The following UNKL variants were observed in gnomAD, a reference collection of about 807,000 sequenced individuals.
The protein encoded by UNKL is putative E3 ubiquitin-protein ligase UNKL.
UNKL carries 60 observed loss-of-function variants against 78.0 expected under a neutral mutation model. The ratio of observed to expected loss-of-function variants is 0.77; its 90% CI spans 0.63 to 0.95. The LOEUF is 0.95. Ranked by LOEUF, UNKL falls within the 40% of genes least tolerant of loss-of-function variation. The pLI is 0.00. For synonymous variants in UNKL, 608 were observed against 474.8 expected, an observed-to-expected ratio of 1.28 and a Z score of -3.65; for missense variants, 1,159 against 1,045.7, an observed-to-expected ratio of 1.11 and a Z score of -1.49.
At position 1,363,478 on chromosome 16, in the gene UNKL, T is replaced by G; in HGVS notation, c.*2762A>C. The G allele has an allele frequency of 3.1e-6, 1 of 326,236 alleles. No homozygotes were observed. Among genetic ancestry groups the G allele is most frequent in the Non-Finnish European group, 6.0e-6 (1 of 167,460 alleles). 20.2% of individuals were successfully genotyped at this position (326,236 alleles called of 1,614,324 possible). On this transcript the variant is annotated 3_prime_UTR_variant, in exon 15 of 15. Transcript: ENST00000389221. ...CGGAACAAGGTCTGCTGACCACAGT[T>G]ACACACGTCGTGACACCACTGTATC...
At position 1,364,087 on chromosome 16, in the gene UNKL, C is replaced by A. The variant is rs1450035437; in HGVS notation, c.*2153G>T. The stretch of plus-strand genomic sequence containing the variant: ...CAAATGGGAACCAAGTGCATAAATA[C>A]AAATAAAAACAGAGTTTACACATCG... On this transcript the variant is annotated 3_prime_UTR_variant, in exon 15 of 15. Coordinates refer to ENST00000389221, the MANE Select transcript of UNKL (RefSeq NM_001372107.1). The A allele has an allele frequency of 6.6e-6, 1 of 152,184 alleles. No individual in the cohort carries two copies. The highest frequency in any genetic ancestry group is 2.4e-5 in the African/African-American group (1 of 41,444). The allele number at this position is 152,184 out of a possible 1,614,324, so 9.4% of individuals were successfully genotyped here.
intron 10 of UNKL, 85 bp from the exon 11 acceptor site, chr16:1,371,696 C>T: frequency 7.1e-7 from 1 of 1,412,016 alleles, no homozygotes; most frequent in Non-Finnish European, 9.6e-7. Context: ...ACCGTCCCAC[C>T]TGGGCTTAGA....
rs1349816851 is a variant in UNKL at position 1,367,399 on chromosome 16, G to A, written c.1789-50C>T. 2.7e-6 allele frequency: 4 copies of A among 1,494,348 alleles called. No individual in the cohort carries two copies. In the Admixed American group the frequency reaches 6.2e-5, roughly 23 times the overall value. The allele number at this position is 1,494,348 out of a possible 1,614,324, so 92.6% of individuals were successfully genotyped here. The stretch of plus-strand genomic sequence containing the variant: ...ACCCCCCACCTCACCTGTGCCACCT[G>A]CAGACCCTCTTGCCTGTGTCACCAG... On this transcript the variant is annotated intron_variant, in intron 13 of 14. Coordinates refer to ENST00000389221, the MANE Select transcript of UNKL (RefSeq NM_001372107.1).
intron 10 of UNKL, among the ~76,000 whole-genome samples, chr16:1,384,329 G>C (rs1273834136): frequency 6.6e-6 from 1 of 151,880 alleles, no homozygotes; most frequent in African/African-American, 2.4e-5. Flanking sequence ...CCAGCTCCTG[G>C]CACTGTCTTG....
At chr16:1,388,300 C>T (rs970692603) in intron 9 of UNKL, among the ~76,000 whole-genome samples, 4 of 152,164 alleles carry the variant, frequency 2.6e-5, no homozygotes, top group African/African-American at 4.8e-5. Context: ...GGGCTGGGCA[C>T]GGGCTGACCC....
In UNKL at chr16:1,387,920, C is replaced by T. The variant is rs2036883871; in HGVS notation, c.1087-2535G>A. Among the ~76,000 whole-genome samples, 1 of 152,084 alleles carries T rather than the reference C, an allele frequency of 6.6e-6. No homozygotes were observed. The highest frequency in any genetic ancestry group is 1.5e-5 in the Non-Finnish European group (1 of 67,986). ...CCCCTGCTCAGTCAGGCTGAGGTTC[C>T]CCATGTCCTGACCCACCAGTAGCCT... On this transcript the variant is annotated intron_variant, in intron 9 of 14. Transcript: ENST00000389221. This position sits in a 1 kb window ranked among gnomAD's most constrained non-coding sequence, Gnocchi z 4.1.
chr16:1,407,093 G>A (rs960725837), intron 2 of UNKL, among the ~76,000 whole-genome samples: 1 of 151,400 alleles, frequency 6.6e-6, no homozygotes, highest in Non-Finnish European at 1.5e-5. Flanking sequence ...ATGCTGCAGT[G>A]AGCCGAGATC....
chr16:1,378,563 T>C (rs968918342), intron 10 of UNKL, among the ~76,000 whole-genome samples: 3 of 151,958 alleles, frequency 2.0e-5, no homozygotes, highest in South Asian at 2.1e-4. Context: ...AGCTGCAGAG[T>C]GCGCAGCATG....
chr16:1,367,174 C>G lies in UNKL; in HGVS notation c.1964G>C (p.Cys655Ser), dbSNP rs372155593. 1.1e-5 allele frequency: 18 copies of G among 1,605,504 alleles called. No individual in the cohort carries two copies. Among genetic ancestry groups the G allele is most frequent in the African/African-American group, 4.0e-5 (3 of 74,774 alleles). ...CAGGGGAATGGTGCCGATGTCCCCA[C>G]AGCCCCGCAGCCCCGGCAGTGTGGA... is the stretch of plus-strand genomic sequence containing the variant. The part of the protein sequence containing the change: ...VASTLPGLRG[C>S]GDIGTIPLPK... Residue 655 changes from cysteine (C) to serine (S), a missense_variant, in exon 14 of 15, where the codon TGT (cysteine) becomes TCT (serine). Physicochemically the swap from Cys to Ser is moderately radical, Grantham distance 112. Transcript: ENST00000389221.
intron 10 of UNKL, among the ~76,000 whole-genome samples, chr16:1,380,673 A>ATTTTTTTTTT (rs57595079): frequency 1.9e-4 from 19 of 99,392 alleles, no homozygotes; most frequent in African/African-American, 6.5e-4. Context: ...CTGGTTCAGG[A>ATTTTTTTTTT]TTTTTTTTTT....
chr16:1,405,647 G>A (rs1187003091), intron 2 of UNKL, among the ~76,000 whole-genome samples: 1 of 151,984 alleles, frequency 6.6e-6, no homozygotes, highest in African/African-American at 2.4e-5. Context: ...GGAGGTGAGA[G>A]GGAATACCTA....
intron 2 of UNKL, chr16:1,405,801 C>T (rs1383188655): frequency 4.6e-5 from 17 of 367,228 alleles, no homozygotes; most frequent in African/African-American, 2.1e-4. Context: ...ACATGGGCAC[C>T]GCTCTGCCTC....
In UNKL at chr16:1,385,169, A is replaced by G. The variant is rs560658278; in HGVS notation, c.1264+39T>C. 91 of 1,236,440 alleles carry G rather than the reference A, an allele frequency of 7.4e-5. No homozygotes were observed. The South Asian group carries it at 1.9e-3, about 26-fold the overall frequency. 76.6% of individuals were successfully genotyped at this position (1,236,440 alleles called of 1,614,324 possible). A position where few individuals can be genotyped will look rare whatever the true frequency, so the allele number is the denominator to read the frequency against. ...CTGAAAAGCTACAGCATGAACACAG[A>G]AGGAGGTCAGGGAGAAAGGAGGACG... On this transcript the variant is annotated intron_variant, in intron 10 of 14. Coordinates refer to ENST00000389221, the MANE Select transcript of UNKL (RefSeq NM_001372107.1).
intron 2 of UNKL, chr16:1,405,848 T>C (rs1006281798): frequency 4.7e-6 from 2 of 427,786 alleles, no homozygotes; most frequent in Admixed American, 2.4e-5. Context: ...GACCAGAGGA[T>C]AGGAGGCAGC....
At chr16:1,366,520 G>GGGTCAGGGAGACGCCCC in intron 14 of UNKL, 125 bp from the exon 15 acceptor site, 1 of 1,271,952 alleles carries the variant, frequency 7.9e-7, no homozygotes, top group Non-Finnish European at 1.0e-6. Flanking sequence ...TACAGAGACA[G>GGGTCAGGGAGACGCCCC]GGTCAGGGAG....
chr16:1,380,672 G>GTTTTTTTTTTTTTTTTTT (rs1567215031), intron 10 of UNKL, among the ~76,000 whole-genome samples: 2 of 32,944 alleles, frequency 6.1e-5, no homozygotes, highest in African/African-American at 2.3e-4. Flanking sequence ...GCTGGTTCAG[G>GTTTTTTTTTTTTTTTTTT]ATTTTTTTTT....
intron 2 of UNKL, chr16:1,405,960 C>A: frequency 2.2e-6 from 1 of 456,736 alleles, no homozygotes. Context: ...AGACTGCGAG[C>A]CACATGCATC....
intron 2 of UNKL, among the ~76,000 whole-genome samples, chr16:1,405,126 C>T (rs575740881): frequency 6.7e-6 from 1 of 148,704 alleles, no homozygotes; most frequent in Non-Finnish European, 1.5e-5. Context: ...GCCCAAAAGG[C>T]CAAGGCTGCA....
intron 11 of UNKL, among the ~76,000 whole-genome samples, chr16:1,370,791 C>CT (rs2035751898): frequency 6.6e-6 from 1 of 152,116 alleles, no homozygotes; most frequent in Admixed American, 6.5e-5. Flanking sequence ...TGTTAAGATA[C>CT]ATTTGTATGG....
Sources: gnomAD v4.1 joint callset for allele counts (sites outside exome capture counted in the v4.1 genomes callset) on GRCh38, gnomAD v4.1.1 for gene constraint, Gnocchi (gnomAD v3.1) non-coding constraint, MANE v1.5 for transcripts, NCBI Gene and HGNC (gene_info 2026-07-23, HGNC 2026-07-21) for gene names.